Variants in NGEF observed in about 807,000 individuals in gnomAD.
The protein encoded by NGEF is neuronal guanine nucleotide exchange factor.
Under a neutral mutation model 80.9 loss-of-function variants are expected in NGEF, and 31 were observed. That is an observed-to-expected ratio of 0.38 (90% CI 0.29 to 0.52). NGEF has a LOEUF of 0.52. Ranked by LOEUF, NGEF falls within the 20% of genes least tolerant of loss-of-function variation. The probability of loss-of-function intolerance (pLI) is 0.84; values close to 1 mark genes in which losing one functional copy is unlikely to be tolerated. For missense variants in NGEF, 709 were observed against 926.2 expected (o/e 0.77, Z 3.04); for synonymous variants, 371 against 370.2 (o/e 1.00, Z -0.03).
Position 232,999,332 on chromosome 2 carries a change from TA to T in NGEF, c.-75+13735del, listed in dbSNP as rs994337561. On this transcript the variant is annotated intron_variant, in intron 1 of 14. Transcript: ENST00000264051. ...TCAATATAAAAATTGGATATAGAGT[TA>T]AAAAAAAAATCGAGTGTCTGTCAGA... is the stretch of plus-strand genomic sequence containing the variant. Among the ~76,000 whole-genome samples, 263 of 150,510 alleles carry T rather than the reference TA, an allele frequency of 1.7e-3. 2 individuals carry two copies. The highest frequency in any genetic ancestry group is 5.5e-3 in the African/African-American group (228 of 41,082).
At chr2:232,889,029 G>A (rs1319461666) in intron 8 of NGEF, among the ~76,000 whole-genome samples, 3 of 152,054 alleles carry the variant, frequency 2.0e-5, no homozygotes, top group African/African-American at 7.2e-5. Context: ...TGGGTGCCAC[G>A]GCAGCACAGA....
At chr2:232,886,227 A>T (rs1691685732) in intron 9 of NGEF, among the ~76,000 whole-genome samples, 1 of 78,842 alleles carries the variant, frequency 1.3e-5, no homozygotes, top group African/African-American at 5.2e-5. Context: ...TGTGATAAGT[A>T]TGTGCTGTGT....
At position 232,974,656 on chromosome 2, in the gene NGEF, C is replaced by T; in HGVS notation, c.235G>A (p.Asp79Asn). ...CAGCTGGCGTTCCGTTCGGGGTTGTCTCTGGCCTTGGCTTTGCTTTTGCGT... is the reference window on the plus strand; with the variant it reads ...CAGCTGGCGTTCCGTTCGGGGTTGTTTCTGGCCTTGGCTTTGCTTTTGCGT... ...IRRKSKAKAR[D>N]NPERNASCLA... Residue 79 changes from aspartate (D) to asparagine (N), a missense_variant, in exon 2 of 15, where the codon GAC (aspartate) becomes AAC (asparagine). Around this residue, in one of 2 missense-constraint regions of NGEF, gnomAD observed 283 missense variants for 303.4 expected, o/e 0.93. Coordinates refer to ENST00000264051, the MANE Select transcript of NGEF (RefSeq NM_019850.3). The T allele has an allele frequency of 2.5e-6, 4 of 1,614,220 alleles. No homozygotes were observed. Among genetic ancestry groups the T allele is most frequent in the Non-Finnish European group, 3.4e-6 (4 of 1,180,048 alleles).
At chr2:232,923,692 GC>G (rs1301893490) in intron 4 of NGEF, among the ~76,000 whole-genome samples, 1 of 152,124 alleles carries the variant, frequency 6.6e-6, no homozygotes, top group Non-Finnish European at 1.5e-5. Context: ...CCAAGATTGT[GC>G]CATTTCACAC....
At chr2:232,979,660 G>A (rs757279499) in intron 1 of NGEF, among the ~76,000 whole-genome samples, 1 of 152,066 alleles carries the variant, frequency 6.6e-6, no homozygotes, top group Non-Finnish European at 1.5e-5. Flanking sequence ...GTGATTGAGG[G>A]AGGGTGCAGC....
chr2:232,960,578 C>A (rs1693929239), intron 3 of NGEF, among the ~76,000 whole-genome samples: 1 of 152,186 alleles, frequency 6.6e-6, no homozygotes, highest in Admixed American at 6.5e-5. Context: ...AGGCTAGGCA[C>A]CAAACTGTAT....
chr2:232,938,946 C>T (rs1031126118), intron 3 of NGEF, among the ~76,000 whole-genome samples: 10 of 151,490 alleles, frequency 6.6e-5, no homozygotes, highest in Admixed American at 2.0e-4. Flanking sequence ...TTTGGGAGGC[C>T]GAGGCAGGTG....
In NGEF at chr2:232,927,189, G is replaced by A. The variant is rs776701901; in HGVS notation, c.384-3C>T. The A allele has an allele frequency of 3.8e-6, 6 of 1,581,676 alleles. No individual in the cohort carries two copies. Among genetic ancestry groups the A allele is most frequent in the Non-Finnish European group, 5.1e-6 (6 of 1,166,696 alleles). ...TTCCCGGGGTGGAGGACGACTCACTGCCAGAGAGGGAGGAGGACAGGGGCT... is the reference window on the plus strand; with the variant it reads ...TTCCCGGGGTGGAGGACGACTCACTACCAGAGAGGGAGGAGGACAGGGGCT... On this transcript the variant is annotated splice_region_variant and splice_polypyrimidine_tract_variant and intron_variant, in intron 3 of 14. Transcript: ENST00000264051.
At chr2:232,919,949 G>C (rs923775105) in intron 5 of NGEF, among the ~76,000 whole-genome samples, 3 of 152,198 alleles carry the variant, frequency 2.0e-5, no homozygotes, top group Admixed American at 6.5e-5. Flanking sequence ...GTCACAGTGA[G>C]CTCAGCAGTG....
At chr2:232,976,859 T>C (rs373558826) in intron 1 of NGEF, among the ~76,000 whole-genome samples, 1 of 152,232 alleles carries the variant, frequency 6.6e-6, no homozygotes, top group Admixed American at 6.5e-5. Context: ...CTCAGTTTCC[T>C]GATCCATGAA....
At chr2:232,946,757 T>G (rs1487641386) in intron 3 of NGEF, among the ~76,000 whole-genome samples, 5 of 152,172 alleles carry the variant, frequency 3.3e-5, no homozygotes, top group African/African-American at 4.8e-5. Flanking sequence ...AAGGAAGTAT[T>G]CAAAGACAGC....
intron 1 of NGEF, among the ~76,000 whole-genome samples, chr2:232,984,603 G>A (rs377632442): frequency 6.6e-6 from 1 of 152,172 alleles, no homozygotes; most frequent in Non-Finnish European, 1.5e-5. Context: ...CAATGACAGC[G>A]TGATGGAGAA....
At chr2:232,998,445 A>G (rs1397332730) in intron 1 of NGEF, among the ~76,000 whole-genome samples, 1 of 152,184 alleles carries the variant, frequency 6.6e-6, no homozygotes, top group Admixed American at 6.5e-5. Flanking sequence ...TGCCCCAGTC[A>G]AAGAGCAAAG....
intron 3 of NGEF, 82 bp from the exon 4 acceptor site, chr2:232,927,268 AG>A: frequency 7.0e-7 from 1 of 1,431,848 alleles, no homozygotes; most frequent in Non-Finnish European, 9.2e-7. Flanking sequence ...GCGTGCGCAC[AG>A]GCGGCTGCTA....
intron 8 of NGEF, among the ~76,000 whole-genome samples, chr2:232,890,012 C>T (rs1334427851): frequency 6.7e-5 from 8 of 118,886 alleles, no homozygotes; most frequent in Non-Finnish European, 1.9e-5. Context: ...GTAGACAGGG[C>T]CCCAGCATCT....
At position 232,921,487 on chromosome 2, in the gene NGEF, T is replaced by G. The variant is rs766362404; in HGVS notation, c.527-902A>C. 2.0e-4 allele frequency among the ~76,000 whole-genome samples: 30 copies of G among 152,330 alleles called. 1 individual carries two copies. Among genetic ancestry groups the G allele is most frequent in the Admixed American group, 1.4e-3 (21 of 15,304 alleles). On this transcript the variant is annotated intron_variant, in intron 4 of 14. Coordinates refer to ENST00000264051, the MANE Select transcript of NGEF (RefSeq NM_019850.3). ...TTTATTTTGAGATTGGGCCTCACTC[T>G]GTTACCCAGGCTGGAGGGCAGTGGT...
At chr2:232,890,902 C>T (rs1371750524) in intron 8 of NGEF, 2 of 471,238 alleles carry the variant, frequency 4.2e-6, no homozygotes, top group African/African-American at 4.0e-5. Flanking sequence ...GTCATGTTCC[C>T]GAGATCGCTG....
intron 1 of NGEF, among the ~76,000 whole-genome samples, chr2:233,009,917 A>G (rs962591024): frequency 6.6e-6 from 1 of 151,882 alleles, no homozygotes; most frequent in African/African-American, 2.4e-5. Flanking sequence ...CTTTTTTTGA[A>G]TTGGAGTCTT....
chr2:232,999,713 G>T (rs1226196537), intron 1 of NGEF, among the ~76,000 whole-genome samples: 4 of 152,238 alleles, frequency 2.6e-5, no homozygotes, highest in Admixed American at 6.5e-5. Flanking sequence ...GGAGGGCCAG[G>T]GCTGCTGAGC....
Sources: allele counts gnomAD v4.1 joint callset (sites outside exome capture counted in the v4.1 genomes callset), GRCh38; gene constraint gnomAD v4.1.1; regional missense constraint gnomAD v4.1.1; transcripts MANE v1.5; gene names NCBI Gene and HGNC (gene_info 2026-07-23, HGNC 2026-07-21).